IQGAP2: variants seen among roughly 807,000 people sequenced by gnomAD.
IQGAP2 encodes ras GTPase-activating-like protein IQGAP2.
In IQGAP2, 173 loss-of-function variants were observed where a neutral mutation model predicts 201.3. The observed-to-expected ratio is 0.86, with a 90% CI of 0.76 to 0.98. The LOEUF (loss-of-function observed/expected upper bound fraction) is 0.98, where lower values mean the gene tolerates loss of function less well. IQGAP2 is among the 50% of genes least tolerant of loss of function. The pLI, the probability that IQGAP2 is intolerant of heterozygous loss-of-function variation, is 0.00. For missense variants in IQGAP2, 1,687 were observed against 1,864.8 expected, an observed-to-expected ratio of 0.90 and a Z score of 1.76; for synonymous variants, 675 against 673.9, an observed-to-expected ratio of 1.00 and a Z score of -0.03.
chr5:76,409,438 G>T (rs961182056), intron 1 of IQGAP2, among the ~76,000 whole-genome samples: 3 of 151,488 alleles, frequency 2.0e-5, no homozygotes, highest in Non-Finnish European at 4.4e-5. Context: ...GTAGAGATGG[G>T]GTTTCATCAT....
chr5:76,647,854 C>CACAT (rs1167953917), intron 17 of IQGAP2, among the ~76,000 whole-genome samples: 7 of 151,304 alleles, frequency 4.6e-5, no homozygotes, highest in African/African-American at 1.5e-4. Context: ...CACACACAAA[C>CACAT]GAAAAAAACT....
At chr5:76,673,056 A>G (rs1439485219) in intron 24 of IQGAP2, among the ~76,000 whole-genome samples, 1 of 152,060 alleles carries the variant, frequency 6.6e-6, no homozygotes, top group Non-Finnish European at 1.5e-5. Flanking sequence ...AAAGTATAAT[A>G]ATAATAAAAT....
intron 2 of IQGAP2, among the ~76,000 whole-genome samples, chr5:76,518,153 G>A (rs903628414): frequency 3.9e-5 from 6 of 152,014 alleles, no homozygotes; most frequent in African/African-American, 1.2e-4. Flanking sequence ...GTAGAGACGG[G>A]GTTTCACCAT....
At chr5:76,482,437 A>G (rs961073800) in intron 2 of IQGAP2, among the ~76,000 whole-genome samples, 2 of 152,168 alleles carry the variant, frequency 1.3e-5, no homozygotes, top group Admixed American at 1.3e-4. Flanking sequence ...AAGATTGGCC[A>G]CCTATTTTAG....
At chr5:76,445,016 G>A (rs1274898269) in intron 1 of IQGAP2, among the ~76,000 whole-genome samples, 1 of 152,198 alleles carries the variant, frequency 6.6e-6, no homozygotes, top group Non-Finnish European at 1.5e-5. Flanking sequence ...ATTGGTTAAA[G>A]AGGCTAAATT....
Position 76,632,710 on chromosome 5 carries a change from C to G in IQGAP2, c.1780+684C>G, listed in dbSNP as rs184417867. On this transcript the variant is annotated intron_variant, in intron 15 of 35. Transcript: ENST00000274364. ...CAAGGATCAAGGTGGCTGTCAACTT[C>G]TAGGCTAGTATTTATTTGTACCACA... is the stretch of plus-strand genomic sequence containing the variant. 2.8e-3 allele frequency among the ~76,000 whole-genome samples: 423 copies of G among 152,036 alleles called. 1 individual carries two copies. The highest frequency in any genetic ancestry group is 8.1e-3 in the South Asian group (39 of 4,822).
chr5:76,440,316 A>G (rs1004022638), intron 1 of IQGAP2, among the ~76,000 whole-genome samples: 1 of 152,134 alleles, frequency 6.6e-6, no homozygotes, highest in African/African-American at 2.4e-5. Context: ...CTTGAGGCCA[A>G]GAGTTCAAGA....
At chr5:76,681,624 T>C (rs920339433) in intron 28 of IQGAP2, among the ~76,000 whole-genome samples, 3 of 151,902 alleles carry the variant, frequency 2.0e-5, no homozygotes, top group African/African-American at 7.3e-5. Flanking sequence ...ATGGTGCAGC[T>C]GCTATGGAAA....
At chr5:76,673,637 TG>T in intron 25 of IQGAP2, 48 bp downstream of exon 25, 32 of 1,586,986 alleles carry the variant, frequency 2.0e-5, no homozygotes, top group Non-Finnish European at 2.8e-5. Flanking sequence ...GGAACGTTCT[TG>T]GAATACGATG....
intron 23 of IQGAP2, 65 bp from the exon 24 acceptor site, chr5:76,671,694 A>C: frequency 1.8e-6 from 2 of 1,106,974 alleles, no homozygotes; most frequent in Non-Finnish European, 2.5e-6. Flanking sequence ...TCGGGGAAAA[A>C]AAAAAAAAAA....
intron 3 of IQGAP2, among the ~76,000 whole-genome samples, chr5:76,567,690 T>C (rs1481162659): frequency 6.6e-6 from 1 of 152,200 alleles, no homozygotes; most frequent in Admixed American, 6.5e-5. Flanking sequence ...ATCTTACTTA[T>C]TTGTGCCATC....
At chr5:76,562,576 G>C (rs758939268) in intron 3 of IQGAP2, 24 bp downstream of exon 3, 1 of 1,595,018 alleles carries the variant, frequency 6.3e-7, no homozygotes, top group East Asian at 2.2e-5. Context: ...AATTGGTTTT[G>C]GCTTCCAGCT....
At chr5:76,651,960 T>C (rs576716497) in intron 17 of IQGAP2, among the ~76,000 whole-genome samples, 1 of 149,952 alleles carries the variant, frequency 6.7e-6, no homozygotes, top group Non-Finnish European at 1.5e-5. Flanking sequence ...TGATTTTTTA[T>C]ATTTGCCCTT....
chr5:76,643,413 A>G (rs1352162494), intron 17 of IQGAP2, among the ~76,000 whole-genome samples: 1 of 152,228 alleles, frequency 6.6e-6, no homozygotes, highest in African/African-American at 2.4e-5. Context: ...CATCTGAAAA[A>G]TATAATGCCC....
intron 17 of IQGAP2, among the ~76,000 whole-genome samples, chr5:76,649,686 G>A (rs1047861297): frequency 6.6e-6 from 1 of 152,118 alleles, no homozygotes; most frequent in South Asian, 2.1e-4. Flanking sequence ...CCATTCTGGG[G>A]TCTGGAGGAC....
chr5:76,488,177 A>G (rs563619773), intron 2 of IQGAP2, among the ~76,000 whole-genome samples: 3 of 152,236 alleles, frequency 2.0e-5, no homozygotes, highest in Non-Finnish European at 4.4e-5. Flanking sequence ...GGGACTTGGT[A>G]ACTGATAGCT....
At chr5:76,453,563 A>G (rs1753893682) in intron 1 of IQGAP2, among the ~76,000 whole-genome samples, 1 of 152,050 alleles carries the variant, frequency 6.6e-6, no homozygotes, top group African/African-American at 2.4e-5. Context: ...CTATTTTACT[A>G]TTTGGGGTGG....
chr5:76,658,713 G>C, intron 21 of IQGAP2, 46 bp downstream of exon 21: 1 of 1,456,048 alleles, frequency 6.9e-7, no homozygotes, highest in East Asian at 2.3e-5. Flanking sequence ...GAGGGAAGAC[G>C]CCTACATACA....
intron 5 of IQGAP2, among the ~76,000 whole-genome samples, chr5:76,582,755 G>A (rs959452061): frequency 6.6e-6 from 1 of 151,892 alleles, no homozygotes; most frequent in South Asian, 2.1e-4. Flanking sequence ...ATGTGACTAA[G>A]ATGGAAAAAT....
Sources: allele counts gnomAD v4.1 joint callset (sites outside exome capture counted in the v4.1 genomes callset), GRCh38; gene constraint gnomAD v4.1.1; transcripts MANE v1.5; gene names NCBI Gene and HGNC (gene_info 2026-07-23, HGNC 2026-07-21).